Variants in DCDC1 observed in about 807,000 individuals in gnomAD.
The protein encoded by DCDC1 is doublecortin domain-containing protein 1.
DCDC1 carries 200 observed loss-of-function variants against 178.3 expected under a neutral mutation model. The ratio of observed to expected loss-of-function variants is 1.12; its 90% confidence interval spans 1.00 to 1.26. DCDC1 has a LOEUF of 1.26. Ranked by LOEUF, DCDC1 falls within the 50% of genes most tolerant of loss-of-function variation. DCDC1 has a pLI of 0.00. For missense variants in DCDC1, 1,983 were observed against 1,749.2 expected (o/e 1.13, Z -2.38); for synonymous variants, 690 against 604.8 (o/e 1.14, Z -2.07).
chr11:31,278,572 G>A (rs894711304), intron 7 of DCDC1, among the ~76,000 whole-genome samples: 1 of 152,006 alleles, frequency 6.6e-6, no homozygotes, highest in Non-Finnish European at 1.5e-5. Context: ...TCAGACAGGA[G>A]GTATAAGTTC....
intron 9 of DCDC1, among the ~76,000 whole-genome samples, chr11:31,238,160 T>C (rs770278763): frequency 3.4e-4 from 52 of 152,002 alleles, no homozygotes; most frequent in Non-Finnish European, 6.3e-4. Flanking sequence ...GGCGGGGAAA[T>C]TCAAACTTGG....
intron 32 of DCDC1, 86 bp from the exon 33 acceptor site, chr11:30,900,584 T>C: frequency 8.1e-7 from 1 of 1,229,742 alleles, no homozygotes; most frequent in South Asian, 2.7e-5. Context: ...AAATATTTTA[T>C]TATTCATTAA....
chr11:31,325,121 T>A (rs1355655076), intron 3 of DCDC1, among the ~76,000 whole-genome samples: 1 of 152,124 alleles, frequency 6.6e-6, no homozygotes, highest in Non-Finnish European at 1.5e-5. Flanking sequence ...TACATTGAGA[T>A]GGAAAAATAT....
At chr11:31,038,213 TTA>T (rs34004324) in intron 20 of DCDC1, among the ~76,000 whole-genome samples, 73,138 of 150,214 alleles carry the variant, frequency 0.49, 17,924 homozygotes, top group Middle Eastern at 0.56. Flanking sequence ...ACTTAAAGTA[TTA>T]TATATATATA....
intron 20 of DCDC1, among the ~76,000 whole-genome samples, chr11:30,983,402 G>A (rs538797135): frequency 6.6e-6 from 1 of 152,176 alleles, no homozygotes; most frequent in South Asian, 2.1e-4. Flanking sequence ...TGTGGTTAGG[G>A]GTTTATATTG....
At chr11:31,281,631 T>C (rs1304829797) in intron 7 of DCDC1, among the ~76,000 whole-genome samples, 1 of 152,132 alleles carries the variant, frequency 6.6e-6, no homozygotes, top group East Asian at 1.9e-4. Context: ...TGTACTCCCA[T>C]AATTCCGTTT....
chr11:30,881,152 G>T lies in DCDC1; in HGVS notation c.5233+6C>A. On this transcript the variant is annotated splice_donor_region_variant and intron_variant, in intron 37 of 38. Coordinates refer to ENST00000684477, the MANE Select transcript of DCDC1 (RefSeq NM_001387274.1). ...GACTTGATGGAAAAGAAACTATCATGCATACCTTTTGGGGTTTTGAAACCA... is the reference window on the plus strand; with the variant it reads ...GACTTGATGGAAAAGAAACTATCATTCATACCTTTTGGGGTTTTGAAACCA... 1.2e-6 allele frequency: 2 copies of T among 1,612,756 alleles called. No individual in the cohort carries two copies. The highest frequency in any genetic ancestry group is 1.7e-6 in the Non-Finnish European group (2 of 1,179,278).
At chr11:30,880,378 C>T (rs2133970739) in intron 37 of DCDC1, among the ~76,000 whole-genome samples, 1 of 152,300 alleles carries the variant, frequency 6.6e-6, no homozygotes, top group East Asian at 1.9e-4. Flanking sequence ...TTTGTCCCTT[C>T]TGGGCTAAAT....
chr11:30,951,044 G>A (rs1354824367), intron 21 of DCDC1, among the ~76,000 whole-genome samples: 1 of 151,994 alleles, frequency 6.6e-6, no homozygotes, highest in Non-Finnish European at 1.5e-5. Context: ...AAATAAGGGA[G>A]TGGGAGAATA....
intron 20 of DCDC1, among the ~76,000 whole-genome samples, chr11:30,970,244 G>T (rs1949702180): frequency 6.6e-6 from 1 of 152,170 alleles, no homozygotes; most frequent in Non-Finnish European, 1.5e-5. Context: ...CCACACAACA[G>T]CATTGCTTCA....
At chr11:30,907,158 T>C (rs999014385) in intron 29 of DCDC1, among the ~76,000 whole-genome samples, 1 of 152,196 alleles carries the variant, frequency 6.6e-6, no homozygotes, top group Non-Finnish European at 1.5e-5. Flanking sequence ...TAAAACATTT[T>C]GAAAATGTTT....
At chr11:31,050,484 G>A (rs1234953835) in intron 20 of DCDC1, among the ~76,000 whole-genome samples, 2 of 152,132 alleles carry the variant, frequency 1.3e-5, no homozygotes, top group Non-Finnish European at 2.9e-5. Flanking sequence ...ATCGCCAGTC[G>A]CTCTCCACAT....
chr11:30,998,376 A>G (rs571425019), intron 20 of DCDC1, among the ~76,000 whole-genome samples: 126 of 152,296 alleles, frequency 8.3e-4, no homozygotes, highest in African/African-American at 2.9e-3. Flanking sequence ...AACATGAAGA[A>G]GTTTCCAATG....
At chr11:31,046,617 A>G (rs1954860261) in intron 20 of DCDC1, among the ~76,000 whole-genome samples, 1 of 146,010 alleles carries the variant, frequency 6.8e-6, no homozygotes, top group Admixed American at 6.7e-5. Context: ...CTCAGTAAGA[A>G]AAAAAAAAAG....
chr11:30,873,597 C>T (rs1187633698), intron 38 of DCDC1, among the ~76,000 whole-genome samples: 2 of 152,050 alleles, frequency 1.3e-5, no homozygotes, highest in Non-Finnish European at 2.9e-5. Flanking sequence ...GATTTTCACA[C>T]TCTTGGGTGA....
intron 21 of DCDC1, among the ~76,000 whole-genome samples, chr11:30,938,677 T>C (rs1251688204): frequency 1.3e-5 from 2 of 152,190 alleles, no homozygotes; most frequent in Admixed American, 1.3e-4. Flanking sequence ...CCAATCCCCA[T>C]CTGAGCCAAT....
At chr11:31,310,491 T>C (rs1055667063) in intron 3 of DCDC1, among the ~76,000 whole-genome samples, 10 of 151,768 alleles carry the variant, frequency 6.6e-5, no homozygotes, top group South Asian at 2.1e-4. Flanking sequence ...GCTGAATTTT[T>C]TGTATTTTTA....
At chr11:31,212,849 C>A (rs1183038350) in intron 9 of DCDC1, among the ~76,000 whole-genome samples, 1 of 152,092 alleles carries the variant, frequency 6.6e-6, no homozygotes, top group Non-Finnish European at 1.5e-5. Context: ...ACATTAACTG[C>A]AATGCAGCAA....
intron 20 of DCDC1, among the ~76,000 whole-genome samples, chr11:30,987,198 G>T (rs1383577491): frequency 6.6e-6 from 1 of 151,886 alleles, no homozygotes; most frequent in East Asian, 1.9e-4. Context: ...TGTATTTTTA[G>T]TAGAGGCAGG....
Sources: allele counts gnomAD v4.1 joint callset (sites outside exome capture counted in the v4.1 genomes callset), GRCh38; gene constraint gnomAD v4.1.1; transcripts MANE v1.5; gene names NCBI Gene and HGNC (gene_info 2026-07-23, HGNC 2026-07-21).